Variants in SCN9A observed in about 807,000 individuals in gnomAD.
SCN9A encodes sodium channel protein type 9 subunit alpha.
SCN9A carries 131 observed loss-of-function variants against 187.0 expected under a neutral mutation model. That is an observed-to-expected ratio of 0.70 (90% CI 0.61 to 0.81). SCN9A has a LOEUF of 0.81. SCN9A is among the 30% of genes least tolerant of loss of function. The pLI is 0.00. For missense variants in SCN9A, 2,252 were observed against 2,396.6 expected, an observed-to-expected ratio of 0.94 and a Z score of 1.26; for synonymous variants, 809 against 808.6, an observed-to-expected ratio of 1.00 and a Z score of -0.01.
chr2:166,281,233 C>A (rs532852913), intron 13 of SCN9A, among the ~76,000 whole-genome samples: 1 of 152,224 alleles, frequency 6.6e-6, no homozygotes, highest in South Asian at 2.1e-4. Flanking sequence ...TAGAAGCCAG[C>A]ACAGTTTGTA....
At chr2:166,204,579 TTATG>T in intron 24 of SCN9A, 115 bp from the exon 25 acceptor site, 7 of 583,764 alleles carry the variant, frequency 1.2e-5, no homozygotes, top group Non-Finnish European at 2.0e-5. Flanking sequence ...ATGTATTTTA[TTATG>T]TTCATGATAG....
chr2:166,358,581 A>G (rs533498494), intron 1 of SCN9A, among the ~76,000 whole-genome samples: 1 of 152,228 alleles, frequency 6.6e-6, no homozygotes, highest in Admixed American at 6.5e-5. Flanking sequence ...GTGGTATACA[A>G]TACAAATATT....
At chr2:166,232,995 T>C (rs1436183249) in intron 21 of SCN9A, among the ~76,000 whole-genome samples, 3 of 147,340 alleles carry the variant, frequency 2.0e-5, no homozygotes, top group Non-Finnish European at 4.5e-5. Context: ...TATATATTAG[T>C]ATGCATATAT....
chr2:166,334,831 G>A (rs1195867079), intron 1 of SCN9A, among the ~76,000 whole-genome samples: 1 of 152,142 alleles, frequency 6.6e-6, no homozygotes, highest in Admixed American at 6.6e-5. Flanking sequence ...TAAGTCATGT[G>A]AGCTTAAAAC....
intron 1 of SCN9A, among the ~76,000 whole-genome samples, chr2:166,348,836 A>G (rs995427228): frequency 1.3e-5 from 2 of 152,104 alleles, no homozygotes; most frequent in Non-Finnish European, 2.9e-5. Context: ...TTAAACCTCC[A>G]AAGTAGTGGC....
At chr2:166,372,580 G>T (rs952415750) in intron 1 of SCN9A, among the ~76,000 whole-genome samples, 4 of 151,864 alleles carry the variant, frequency 2.6e-5, no homozygotes, top group African/African-American at 9.7e-5. Flanking sequence ...GCCTTTCTAA[G>T]AATGCATTAC....
chr2:166,224,524 G>A (rs1694765032), intron 24 of SCN9A, among the ~76,000 whole-genome samples: 2 of 152,016 alleles, frequency 1.3e-5, no homozygotes, highest in African/African-American at 2.4e-5. Flanking sequence ...ATCTCTTTTT[G>A]TATAGGTGGT....
At chr2:166,207,837 C>G (rs184646279) in intron 24 of SCN9A, among the ~76,000 whole-genome samples, 1 of 152,296 alleles carries the variant, frequency 6.6e-6, no homozygotes, top group African/African-American at 2.4e-5. Context: ...ATGAGAGAGA[C>G]AGACTTCATG....
In SCN9A at chr2:166,306,593, G is replaced by A; in HGVS notation, c.384C>T (p.Phe128=). ...GAATAGTGCACATGATGAGCATGCT[G>A]AATAAGGTAGCTTAGAATCAAGGAA... is the stretch of plus-strand genomic sequence containing the variant. The part of the protein sequence containing the change: ...ISIKILVHSL[F]SMLIMCTILT... The change falls in exon 4 of 27, where the codon TTC becomes TTT. Residue 128 remains phenylalanine (F), a synonymous_variant. Transcript: ENST00000642356. 1 of 1,568,264 alleles carries A rather than the reference G, an allele frequency of 6.4e-7. No homozygotes were observed. The highest frequency in any genetic ancestry group is 8.7e-7 in the Non-Finnish European group (1 of 1,152,028).
chr2:166,215,779 C>CAA (rs33938188), intron 24 of SCN9A, among the ~76,000 whole-genome samples: 45,409 of 134,396 alleles, frequency 0.34, 7,825 homozygotes, highest in Middle Eastern at 0.38. Context: ...GTCTCCTAAC[C>CAA]AAAAAAAAAA....
chr2:166,293,803 C>A (rs992113048), intron 8 of SCN9A, among the ~76,000 whole-genome samples: 1 of 152,088 alleles, frequency 6.6e-6, no homozygotes, highest in Non-Finnish European at 1.5e-5. Context: ...CTGTATAATT[C>A]TTGGAATAGA....
At chr2:166,330,621 G>C (rs1321769516) in intron 1 of SCN9A, among the ~76,000 whole-genome samples, 1 of 152,276 alleles carries the variant, frequency 6.6e-6, no homozygotes. Context: ...TGGTTTCATG[G>C]AAGACAATTT....
rs146833352 is a variant in SCN9A, at chr2:166,226,087, CAA to C, written c.4398+478_4398+479del. ...AGATTGCTCAAATTACAGTATTCAA[CAA>C]GTCTTAATTTTCATTACCTGTGTTA... On this transcript the variant is annotated intron_variant, in intron 24 of 26. Coordinates refer to ENST00000642356, the MANE Select transcript of SCN9A (RefSeq NM_001365536.1). 9.6e-3 allele frequency among the ~76,000 whole-genome samples: 1,462 copies of C among 152,172 alleles called. 26 individuals carry two copies. The highest frequency in any genetic ancestry group is 0.033 in the African/African-American group (1,356 of 41,544).
In SCN9A at chr2:166,209,544, T is replaced by C. The variant is rs528033178; in HGVS notation, c.4399-5080A>G. Among the ~76,000 whole-genome samples, 5 of 151,976 alleles carry C rather than the reference T, an allele frequency of 3.3e-5. No homozygotes were observed. The South Asian group carries it at 1.0e-3, about 32-fold the overall frequency. ...CTCTGGAATTGAAGAATACAATAAT[T>C]GAACTAAAAAACTCCCTAGAGGATT... is the stretch of plus-strand genomic sequence containing the variant. On this transcript the variant is annotated intron_variant, in intron 24 of 26. Coordinates refer to ENST00000642356, the MANE Select transcript of SCN9A (RefSeq NM_001365536.1).
chr2:166,234,271 AAT>A (rs1198319660), intron 20 of SCN9A, among the ~76,000 whole-genome samples: 1 of 152,198 alleles, frequency 6.6e-6, no homozygotes, highest in Non-Finnish European at 1.5e-5. Flanking sequence ...TGGATCTATA[AAT>A]ATGTTTACTC....
At chr2:166,259,010 G>A (rs1006237693) in intron 17 of SCN9A, among the ~76,000 whole-genome samples, 1 of 151,534 alleles carries the variant, frequency 6.6e-6, no homozygotes, top group South Asian at 2.1e-4. Flanking sequence ...GCACATGAAG[G>A]TTACATCAAG....
intron 7 of SCN9A, among the ~76,000 whole-genome samples, chr2:166,299,170 C>CAGTGAGAGACACCATGCTAGGGG (rs1698447887): frequency 6.6e-6 from 1 of 151,500 alleles, no homozygotes; most frequent in African/African-American, 2.5e-5. Context: ...ACTACTCATT[C>CAGTGAGAGACACCATGCTAGGGG]ATTATCACTA....
In SCN9A at chr2:166,222,945, C is replaced by CAAAAAAA. The variant is rs1309168684; in HGVS notation, c.4398+3615_4398+3621dup. Among the ~76,000 whole-genome samples, 217 of 44,882 alleles carry CAAAAAAA rather than the reference C, an allele frequency of 4.8e-3. 42 individuals are homozygous for CAAAAAAA. Among genetic ancestry groups the CAAAAAAA allele is most frequent in the Non-Finnish European group, 6.1e-3 (153 of 25,116 alleles). The allele number at this position is 44,882 out of a possible 152,430, so 29.4% of individuals were successfully genotyped here. ...AACTCCGTCTCAAAAAAAAAAACAA[C>CAAAAAAA]AAAAAAAAAAAAAAAAAAAAAAAAA... On this transcript the variant is annotated intron_variant, in intron 24 of 26. Transcript: ENST00000642356.
In SCN9A at chr2:166,291,920, C is replaced by G. The variant is rs565765821; in HGVS notation, c.1107+1311G>C. 2.0e-5 allele frequency among the ~76,000 whole-genome samples: 3 copies of G among 152,206 alleles called. 1 individual carries two copies. In the South Asian group the frequency reaches 6.2e-4, roughly 32 times the overall value. ...TCCTTACACCTTATACAAAAATTAA[C>G]TCAAGATGGATTAAAGACTTAATGT... is the stretch of plus-strand genomic sequence containing the variant. On this transcript the variant is annotated intron_variant, in intron 9 of 26. Coordinates refer to ENST00000642356, the MANE Select transcript of SCN9A (RefSeq NM_001365536.1).
Sources: allele counts gnomAD v4.1 joint callset (sites outside exome capture counted in the v4.1 genomes callset), GRCh38; gene constraint gnomAD v4.1.1; transcripts MANE v1.5; gene names NCBI Gene and HGNC (gene_info 2026-07-23, HGNC 2026-07-21).